FBXL17: variants seen among roughly 807,000 people sequenced by gnomAD.
FBXL17 encodes F-box and leucine rich repeat protein 17.
A neutral mutation model predicts 66.2 loss-of-function variants in FBXL17; 22 were observed. That is an observed-to-expected ratio of 0.33 (90% confidence interval 0.24 to 0.47). The LOEUF is 0.47. FBXL17 is among the 20% of genes least tolerant of loss of function. The pLI is 1.00. For synonymous variants in FBXL17, 474 were observed against 400.5 expected (o/e 1.18, Z -2.19); for missense variants, 878 against 948.2 (o/e 0.93, Z 0.97).
intron 7 of FBXL17, among the ~76,000 whole-genome samples, chr5:107,990,386 AG>A (rs1160153774): frequency 6.6e-6 from 1 of 152,192 alleles, no homozygotes; most frequent in African/African-American, 2.4e-5. Context: ...TTGGGGTAAA[AG>A]ATGTTTATCA....
chr5:108,311,974 T>C (rs1759142311), intron 4 of FBXL17, among the ~76,000 whole-genome samples: 1 of 152,148 alleles, frequency 6.6e-6, no homozygotes, highest in South Asian at 2.1e-4. Context: ...TGACCCCATC[T>C]CCTGTAGCTT....
At chr5:108,006,610 T>C (rs1314585479) in intron 7 of FBXL17, among the ~76,000 whole-genome samples, 2 of 152,234 alleles carry the variant, frequency 1.3e-5, no homozygotes, top group Non-Finnish European at 2.9e-5. Flanking sequence ...TGCAGGGATA[T>C]GATGCTTTGA....
At chr5:108,212,222 C>T (rs756303917) in intron 5 of FBXL17, among the ~76,000 whole-genome samples, 22 of 152,254 alleles carry the variant, frequency 1.4e-4, no homozygotes, top group Non-Finnish European at 2.5e-4. Flanking sequence ...TTCCAGTTAG[C>T]GATTCGTCTA....
At chr5:108,055,291 A>C (rs1432395690) in intron 6 of FBXL17, among the ~76,000 whole-genome samples, 2 of 61,270 alleles carry the variant, frequency 3.3e-5, no homozygotes, top group African/African-American at 8.3e-5. Context: ...AAAAAAAAAA[A>C]AAAAAAAAAA....
At chr5:108,356,538 C>T (rs1747999863) in intron 3 of FBXL17, among the ~76,000 whole-genome samples, 1 of 152,052 alleles carries the variant, frequency 6.6e-6, no homozygotes, top group South Asian at 2.1e-4. Context: ...AGAAACTTAA[C>T]TGCATACTAC....
At chr5:108,272,923 A>G (rs546657059) in intron 4 of FBXL17, among the ~76,000 whole-genome samples, 1 of 152,332 alleles carries the variant, frequency 6.6e-6, no homozygotes, top group Non-Finnish European at 1.5e-5. Flanking sequence ...ATATTCACGT[A>G]GGTTCTTTTC....
At chr5:108,014,698 C>G (rs1461352669) in intron 7 of FBXL17, among the ~76,000 whole-genome samples, 2 of 152,196 alleles carry the variant, frequency 1.3e-5, no homozygotes, top group East Asian at 3.9e-4. Context: ...AATTAAATAC[C>G]AAATTTTGGG....
At chr5:108,315,835 C>T (rs1248316896) in intron 4 of FBXL17, among the ~76,000 whole-genome samples, 1 of 151,400 alleles carries the variant, frequency 6.6e-6, no homozygotes, top group Non-Finnish European at 1.5e-5. Flanking sequence ...GACCAATTAA[C>T]ATGTCATAAG....
intron 6 of FBXL17, among the ~76,000 whole-genome samples, chr5:108,109,153 CA>C: frequency 6.6e-6 from 1 of 152,206 alleles, no homozygotes; most frequent in Admixed American, 6.5e-5. Flanking sequence ...CTGAGATTTA[CA>C]AAAGGAAGGA....
At chr5:108,242,413 GTT>G (rs1275279654) in intron 4 of FBXL17, among the ~76,000 whole-genome samples, 2 of 151,304 alleles carry the variant, frequency 1.3e-5, no homozygotes, top group Non-Finnish European at 2.9e-5. Context: ...GTAGGGATGA[GTT>G]TTTGATATGT....
chr5:108,378,222 T>TAA (rs36057058), intron 1 of FBXL17, among the ~76,000 whole-genome samples: 9 of 142,974 alleles, frequency 6.3e-5, no homozygotes, highest in African/African-American at 1.5e-4. Context: ...TCCTCTGCCA[T>TAA]AAAAAAAAAA....
At chr5:108,301,820 A>T (rs1398370765) in intron 4 of FBXL17, among the ~76,000 whole-genome samples, 2 of 151,856 alleles carry the variant, frequency 1.3e-5, no homozygotes, top group African/African-American at 4.8e-5. Context: ...AATCCCAAGA[A>T]TGATAATTTC....
chr5:108,241,743 C>T (rs1580677082), intron 4 of FBXL17, among the ~76,000 whole-genome samples: 1 of 151,692 alleles, frequency 6.6e-6, no homozygotes, highest in Non-Finnish European at 1.5e-5. Flanking sequence ...AGAAAGGCTC[C>T]GAAAAGCCAC....
intron 6 of FBXL17, among the ~76,000 whole-genome samples, chr5:108,173,699 G>A (rs929057214): frequency 6.6e-6 from 1 of 152,154 alleles, no homozygotes; most frequent in Non-Finnish European, 1.5e-5. Flanking sequence ...AGAGGTAAAG[G>A]AAAGAGCTAC....
At chr5:107,958,695 G>C (rs1184889916) in intron 7 of FBXL17, among the ~76,000 whole-genome samples, 1 of 152,122 alleles carries the variant, frequency 6.6e-6, no homozygotes. Context: ...TAAAACAACA[G>C]TTTCTTCTTC....
At chr5:108,380,317 A>G (rs942221097) in intron 1 of FBXL17, among the ~76,000 whole-genome samples, 1 of 152,238 alleles carries the variant, frequency 6.6e-6, no homozygotes, top group Non-Finnish European at 1.5e-5. Context: ...ACATGAAAGT[A>G]ATGTTTAAAG....
At chr5:108,058,384 C>A (rs772181378) in intron 6 of FBXL17, among the ~76,000 whole-genome samples, 14 of 152,058 alleles carry the variant, frequency 9.2e-5, no homozygotes, top group Non-Finnish European at 1.8e-4. Flanking sequence ...CTACAGTCTA[C>A]ATGGATTCTT....
At chr5:108,050,868 T>C (rs772514153) in intron 6 of FBXL17, among the ~76,000 whole-genome samples, 1 of 151,930 alleles carries the variant, frequency 6.6e-6, no homozygotes, top group Non-Finnish European at 1.5e-5. Context: ...TCAAATATAT[T>C]TGATGAAATC....
At chr5:108,163,469 C>T (rs1297178150) in intron 6 of FBXL17, among the ~76,000 whole-genome samples, 2 of 145,970 alleles carry the variant, frequency 1.4e-5, no homozygotes, top group South Asian at 2.2e-4. Flanking sequence ...GGCGCGATCT[C>T]GGCTCACTGC....
Sources: gnomAD v4.1 joint callset for allele counts (sites outside exome capture counted in the v4.1 genomes callset) on GRCh38, gnomAD v4.1.1 for gene constraint, MANE v1.5 for transcripts, NCBI Gene and HGNC (gene_info 2026-07-23, HGNC 2026-07-21) for gene names.